The following MTMR2 variants were observed in gnomAD, a reference collection of about 807,000 sequenced individuals.
MTMR2 encodes the protein myotubularin related protein 2.
In MTMR2, 55 loss-of-function variants were observed where a neutral mutation model predicts 86.9. The observed-to-expected ratio is 0.63, with a 90% CI of 0.51 to 0.79. The LOEUF (loss-of-function observed/expected upper bound fraction) is 0.79. Ranked by LOEUF, MTMR2 falls within the 30% of genes least tolerant of loss-of-function variation. MTMR2 has a pLI of 0.00. For synonymous variants in MTMR2, 241 were observed against 266.8 expected, an observed-to-expected ratio of 0.90 and a Z score of 0.94; for missense variants, 659 against 772.3, an observed-to-expected ratio of 0.85 and a Z score of 1.74.
intron 1 of MTMR2, among the ~76,000 whole-genome samples, chr11:95,908,627 T>C (rs1180918207): frequency 1.3e-5 from 2 of 152,114 alleles, no homozygotes; most frequent in Non-Finnish European, 2.9e-5. Flanking sequence ...AGCATGATAC[T>C]GGTACAAAAA....
intron 1 of MTMR2, among the ~76,000 whole-genome samples, chr11:95,905,281 A>T (rs969362807): frequency 6.6e-6 from 1 of 151,666 alleles, no homozygotes; most frequent in African/African-American, 2.4e-5. Context: ...CTCTGATGTG[A>T]AAATACCGTC....
intron 3 of MTMR2, among the ~76,000 whole-genome samples, chr11:95,864,980 T>C (rs1456292588): frequency 1.3e-5 from 2 of 152,104 alleles, no homozygotes; most frequent in Non-Finnish European, 2.9e-5. Context: ...TAGATATCTG[T>C]AGATTATCAC....
Position 95,887,819 on chromosome 11 carries a change from T to A in MTMR2, c.186+337A>T, listed in dbSNP as rs554392082. ...CAAGAGATAATTCATGTATAGCACT[T>A]AGAACAACGCTTGGCACACAGTACA... On this transcript the variant is annotated intron_variant, in intron 2 of 14. Coordinates refer to ENST00000346299, the MANE Select transcript of MTMR2 (RefSeq NM_016156.6). 7 of 271,886 alleles carry A rather than the reference T, an allele frequency of 2.6e-5. No individual in the cohort carries two copies. In the Admixed American group the frequency reaches 3.6e-4, roughly 14 times the overall value. The allele number at this position is 271,886 out of a possible 1,614,324, so 16.8% of individuals were successfully genotyped here. A position where few individuals can be genotyped will look rare whatever the true frequency, so the allele number is the denominator to read the frequency against.
chr11:95,874,852 T>C (rs1399597696), intron 2 of MTMR2, among the ~76,000 whole-genome samples: 4 of 152,198 alleles, frequency 2.6e-5, no homozygotes, highest in Admixed American at 6.5e-5. Flanking sequence ...CCTTCACTTA[T>C]GGAGCTTAGT....
intron 2 of MTMR2, among the ~76,000 whole-genome samples, chr11:95,886,107 T>C (rs77366105): frequency 0.078 from 11,825 of 152,160 alleles, 764 homozygotes; most frequent in African/African-American, 0.16. Flanking sequence ...CTAAATGTAA[T>C]GTGGCATCCT....
At position 95,832,947 on chromosome 11, in the gene MTMR2, CATGTGAATTGTTCATTCCAATATA is replaced by C. The variant is rs1160618306; in HGVS notation, c.*2319_*2342del. On this transcript the variant is annotated 3_prime_UTR_variant, in exon 15 of 15. Transcript: ENST00000346299. ...GTTATGTTTACAGACTTGTGGTAGACATGTGAATTGTTCATTCCAATATAATGTGAATTGCAGTGGTAGTAGCGG... is the reference window on the plus strand; with the variant it reads ...GTTATGTTTACAGACTTGTGGTAGACATGTGAATTGCAGTGGTAGTAGCGG... The C allele has an allele frequency of 6.6e-6, 1 of 152,112 alleles. No individual in the cohort carries two copies. The highest frequency in any genetic ancestry group is 1.5e-5 in the Non-Finnish European group (1 of 68,018). The allele number at this position is 152,112 out of a possible 1,614,324, so 9.4% of individuals were successfully genotyped here.
chr11:95,901,263 A>G (rs995019912), intron 1 of MTMR2, among the ~76,000 whole-genome samples: 2 of 152,284 alleles, frequency 1.3e-5, no homozygotes, highest in East Asian at 1.9e-4. Context: ...GCATTTGACT[A>G]TCTGGCCCCA....
intron 2 of MTMR2, among the ~76,000 whole-genome samples, chr11:95,875,378 T>C (rs774422004): frequency 6.6e-6 from 1 of 152,390 alleles, no homozygotes; most frequent in African/African-American, 2.4e-5. Flanking sequence ...TTTATTCCAG[T>C]TGATCGAATC....
intron 1 of MTMR2, among the ~76,000 whole-genome samples, chr11:95,889,422 T>C (rs575707039): frequency 3.0e-4 from 46 of 151,078 alleles, no homozygotes; most frequent in South Asian, 6.3e-4. Context: ...TGTGAGCCAC[T>C]GCGCCTGGCC....
In MTMR2 at chr11:95,865,653, T is replaced by C; in HGVS notation, c.210A>G (p.Leu70=). 1.9e-6 allele frequency: 3 copies of C among 1,613,892 alleles called. No homozygotes were observed. The highest frequency in any genetic ancestry group is 3.3e-5 in the Admixed American group (2 of 60,012). ...GCAAGGGTGGTTCTTCCATTTCTGC[T>C]AACTTGTTAGACTCCCTCAGGACCT... is the stretch of plus-strand genomic sequence containing the variant. The part of the protein sequence containing the change: ...DLRVLRESNK[L]AEMEEPPLLP... The change falls in exon 3 of 15, where the codon TTA becomes TTG. Residue 70 remains leucine, a synonymous_variant. Transcript: ENST00000346299.
At chr11:95,906,083 G>T (rs189052469) in intron 1 of MTMR2, among the ~76,000 whole-genome samples, 17 of 152,246 alleles carry the variant, frequency 1.1e-4, no homozygotes, top group Admixed American at 8.5e-4. Context: ...AAGTTAGCCA[G>T]GTGTGGTGGC....
At chr11:95,850,565 G>A (rs573354214) in intron 8 of MTMR2, 35 bp downstream of exon 8, 3 of 1,610,538 alleles carry the variant, frequency 1.9e-6, no homozygotes, top group African/African-American at 2.7e-5. Flanking sequence ...GAGTAAAAAA[G>A]CACTTGCAAA....
chr11:95,871,276 T>C (rs1027299993), intron 2 of MTMR2, among the ~76,000 whole-genome samples: 1 of 152,214 alleles, frequency 6.6e-6, no homozygotes, highest in African/African-American at 2.4e-5. Context: ...CTGGGTCAAA[T>C]GGTATTTCTA....
chr11:95,842,702 T>G (rs1174772543), intron 11 of MTMR2, among the ~76,000 whole-genome samples: 2 of 152,248 alleles, frequency 1.3e-5, no homozygotes, highest in African/African-American at 2.4e-5. Context: ...TTCAGTGTGT[T>G]GGCATTTGCA....
chr11:95,876,654 G>T (rs1218248230), intron 2 of MTMR2, among the ~76,000 whole-genome samples: 1 of 152,084 alleles, frequency 6.6e-6, no homozygotes, highest in Non-Finnish European at 1.5e-5. Context: ...AAACACACAA[G>T]ATTCAAATTT....
chr11:95,861,562 T>C (rs1864423196), intron 5 of MTMR2, among the ~76,000 whole-genome samples: 1 of 151,938 alleles, frequency 6.6e-6, no homozygotes, highest in Admixed American at 6.6e-5. Context: ...TAGCTGAGAT[T>C]ACAGGTGCCC....
intron 2 of MTMR2, among the ~76,000 whole-genome samples, chr11:95,883,895 T>G (rs1309068733): frequency 2.6e-5 from 4 of 152,236 alleles, no homozygotes; most frequent in Non-Finnish European, 5.9e-5. Flanking sequence ...ATTTAACCTT[T>G]TTAATGAAAC....
intron 9 of MTMR2, among the ~76,000 whole-genome samples, chr11:95,849,191 C>G (rs1397233857): frequency 6.6e-6 from 1 of 152,044 alleles, no homozygotes; most frequent in African/African-American, 2.4e-5. Context: ...CTGGAACAAT[C>G]AGCTACAGCT....
rs1237857285 is a variant in MTMR2 at position 95,834,290 on chromosome 11, A to ATCTT, written c.*996_*999dup. 2.6e-5 allele frequency: 4 copies of ATCTT among 152,512 alleles called. No individual in the cohort carries two copies. The highest frequency in any genetic ancestry group is 9.7e-5 in the African/African-American group (4 of 41,426). 9.4% of individuals were successfully genotyped at this position (152,512 alleles called of 1,614,324 possible). ...TTTACTGGCTTTGAGATTGTAATAC[A>ATCTT]TCTTTTACATGCAGTGTGTTCTTTG... On this transcript the variant is annotated 3_prime_UTR_variant, in exon 15 of 15. Coordinates refer to ENST00000346299, the MANE Select transcript of MTMR2 (RefSeq NM_016156.6).
Sources: allele counts gnomAD v4.1 joint callset (sites outside exome capture counted in the v4.1 genomes callset), GRCh38; gene constraint gnomAD v4.1.1; transcripts MANE v1.5; gene names NCBI Gene and HGNC (gene_info 2026-07-23, HGNC 2026-07-21).